The following NCOR1 variants were observed in gnomAD, a reference collection of about 807,000 sequenced individuals.
The protein encoded by NCOR1 is protein phosphatase 1, regulatory subunit 109.
In NCOR1, 63 loss-of-function variants were observed where a neutral mutation model predicts 288.1. That is an observed-to-expected ratio of 0.22 (90% CI 0.18 to 0.27). NCOR1 has a LOEUF of 0.27. Among genes scored for constraint, NCOR1 ranks in the 10% least tolerant of loss-of-function variants. NCOR1 has a pLI of 1.00. For missense variants in NCOR1, 2,397 were observed against 3,019.2 expected (o/e 0.79, Z 4.83); for synonymous variants, 1,007 against 1,065.9 (o/e 0.94, Z 1.08).
chr17:16,093,509 T>C (rs1465737890), intron 21 of NCOR1, among the ~76,000 whole-genome samples: 1 of 152,198 alleles, frequency 6.6e-6, no homozygotes, highest in Non-Finnish European at 1.5e-5. Flanking sequence ...CAAGATGTTT[T>C]GTCCAATACT....
chr17:16,093,591 G>A (rs1330525184), intron 21 of NCOR1, among the ~76,000 whole-genome samples: 1 of 152,166 alleles, frequency 6.6e-6, no homozygotes, highest in Non-Finnish European at 1.5e-5. Context: ...GAAAGCCCTA[G>A]AGGTCTGACT....
intron 7 of NCOR1, among the ~76,000 whole-genome samples, 179 bp downstream of exon 7, chr17:16,153,160 G>A (rs1490146910): frequency 1.3e-5 from 2 of 152,062 alleles, no homozygotes; most frequent in Non-Finnish European, 2.9e-5. Flanking sequence ...TTTCTGCAAA[G>A]GTCTGCAAAG....
intron 10 of NCOR1, among the ~76,000 whole-genome samples, chr17:16,144,882 C>T (rs2077651208): frequency 6.6e-6 from 1 of 151,294 alleles, no homozygotes; most frequent in Non-Finnish European, 1.5e-5. Flanking sequence ...TCCTCCCTCT[C>T]CCCTTCTCCC....
chr17:16,174,656 T>C (rs957136418), intron 3 of NCOR1, among the ~76,000 whole-genome samples: 4 of 152,208 alleles, frequency 2.6e-5, no homozygotes, highest in Admixed American at 6.5e-5. Flanking sequence ...TAAATAAATA[T>C]ATAATTTAAT....
chr17:16,155,424 G>C lies in NCOR1; in HGVS notation c.733-2029C>G, dbSNP rs2153403565. Among the ~76,000 whole-genome samples, 3 of 150,650 alleles carry C rather than the reference G, an allele frequency of 2.0e-5. 1 individual carries two copies. The Middle Eastern group carries it at 0.011, about 530-fold the overall frequency. On this transcript the variant is annotated intron_variant, in intron 6 of 45. Transcript: ENST00000268712. ...AGATATTCTGCAAATTTCTCTAGTAGAGCCCAACAATAATCACTTTTCTAT... is the reference window on the plus strand; with the variant it reads ...AGATATTCTGCAAATTTCTCTAGTACAGCCCAACAATAATCACTTTTCTAT...
At chr17:16,082,756 A>G (rs2063591642) in intron 23 of NCOR1, among the ~76,000 whole-genome samples, 1 of 151,228 alleles carries the variant, frequency 6.6e-6, no homozygotes, top group African/African-American at 2.4e-5. Flanking sequence ...TACAAGAATG[A>G]TACTTCACCA....
At chr17:16,096,669 T>C (rs1351748607) in intron 21 of NCOR1, among the ~76,000 whole-genome samples, 1 of 152,194 alleles carries the variant, frequency 6.6e-6, no homozygotes, top group Non-Finnish European at 1.5e-5. Context: ...CACAAGTCAT[T>C]TGAAAAAGCA....
chr17:16,042,925 A>G (rs1406457267), intron 42 of NCOR1, among the ~76,000 whole-genome samples: 1 of 152,208 alleles, frequency 6.6e-6, no homozygotes, highest in African/African-American at 2.4e-5. Flanking sequence ...TCAGCATACA[A>G]GCGACCATTC....
At position 16,175,093 on chromosome 17, in the gene NCOR1, T is replaced by C. The variant is rs548619276; in HGVS notation, c.243-3098A>G. Among the ~76,000 whole-genome samples, 26 of 151,642 alleles carry C rather than the reference T, an allele frequency of 1.7e-4. No individual in the cohort carries two copies. The South Asian group carries it at 4.0e-3, about 23-fold the overall frequency. ...ATAAAGAAATCTTTGTAGGGCAAGA[T>C]GCCGTGGCTCACGCCTGTAATCCCA... On this transcript the variant is annotated intron_variant, in intron 3 of 45. Transcript: ENST00000268712.
chr17:16,156,154 G>C (rs2079738566), intron 6 of NCOR1, among the ~76,000 whole-genome samples: 1 of 152,110 alleles, frequency 6.6e-6, no homozygotes, highest in African/African-American at 2.4e-5. Flanking sequence ...AAAGAAAAGA[G>C]GCCTGGTGCA....
intron 22 of NCOR1, among the ~76,000 whole-genome samples, chr17:16,089,023 T>C (rs2064726788): frequency 6.6e-6 from 1 of 151,944 alleles, no homozygotes; most frequent in South Asian, 2.1e-4. Flanking sequence ...CTAGATAATT[T>C]AATATGATAA....
At chr17:16,190,045 C>G (rs1392170263) in intron 2 of NCOR1, among the ~76,000 whole-genome samples, 1 of 152,150 alleles carries the variant, frequency 6.6e-6, no homozygotes, top group Non-Finnish European at 1.5e-5. Context: ...GCCTGTGCAA[C>G]ACAGTGAGAG....
intron 11 of NCOR1, 116 bp from the exon 12 acceptor site, chr17:16,139,302 A>G: frequency 2.8e-6 from 2 of 711,502 alleles, no homozygotes; most frequent in Non-Finnish European, 2.3e-6. Context: ...TAATAACAAT[A>G]GCAGTGTATA....
chr17:16,068,247 A>C, intron 31 of NCOR1, 126 bp from the exon 32 acceptor site: 1 of 778,620 alleles, frequency 1.3e-6, no homozygotes. Context: ...TCCACTCAAC[A>C]TTTAACATTC....
At chr17:16,126,740 G>A (rs965213513) in intron 14 of NCOR1, among the ~76,000 whole-genome samples, 2 of 152,260 alleles carry the variant, frequency 1.3e-5, no homozygotes, top group Middle Eastern at 3.4e-3. Flanking sequence ...CTATAATAAG[G>A]TGAAAAGAAG....
chr17:16,112,581 C>T (rs1237750388), intron 18 of NCOR1, among the ~76,000 whole-genome samples: 1 of 151,970 alleles, frequency 6.6e-6, no homozygotes, highest in East Asian at 1.9e-4. Context: ...CTGCAACCTC[C>T]GCCTCCCAGG....
At chr17:16,091,357 T>C (rs888010727) in intron 22 of NCOR1, among the ~76,000 whole-genome samples, 1 of 152,264 alleles carries the variant, frequency 6.6e-6, no homozygotes, top group Non-Finnish European at 1.5e-5. Flanking sequence ...ATTTTACAGA[T>C]GAGAAAACTA....
intron 35 of NCOR1, among the ~76,000 whole-genome samples, chr17:16,063,332 A>G (rs1311419459): frequency 2.0e-5 from 3 of 151,954 alleles, no homozygotes; most frequent in African/African-American, 7.3e-5. Context: ...GGTGCACACC[A>G]CGGCTGCTGG....
chr17:16,191,905 T>G (rs181133359), intron 2 of NCOR1: 5 of 150,726 alleles, frequency 3.3e-5, no homozygotes, highest in African/African-American at 9.8e-5. Flanking sequence ...TTGAGCCCAA[T>G]AGTTCTAGGC....
Sources: gnomAD v4.1 joint callset for allele counts (sites outside exome capture counted in the v4.1 genomes callset) on GRCh38, gnomAD v4.1.1 for gene constraint, MANE v1.5 for transcripts, NCBI Gene and HGNC (gene_info 2026-07-23, HGNC 2026-07-21) for gene names.